The following AGAP1 variants were observed in gnomAD, a reference collection of about 807,000 sequenced individuals.
AGAP1 encodes the protein arf-GAP with GTPase, ANK repeat and PH domain-containing protein 1.
A neutral mutation model predicts 105.3 loss-of-function variants in AGAP1; 29 were observed. The ratio of observed to expected loss-of-function variants is 0.28; its 90% CI spans 0.21 to 0.38. The LOEUF (loss-of-function observed/expected upper bound fraction) is 0.38. AGAP1 is among the 10% of genes least tolerant of loss of function. The pLI, the probability that AGAP1 is intolerant of heterozygous loss-of-function variation, is 1.00. For missense variants in AGAP1, 998 were observed against 1,165.1 expected, an observed-to-expected ratio of 0.86 and a Z score of 2.09; for synonymous variants, 509 against 485.9, an observed-to-expected ratio of 1.05 and a Z score of -0.63.
chr2:235,807,405 T>C, intron 9 of AGAP1, 74 bp downstream of exon 9: 1 of 1,372,130 alleles, frequency 7.3e-7, no homozygotes, highest in Non-Finnish European at 9.9e-7. Context: ...TGATGCTGGC[T>C]CTCGCACCAA....
At chr2:235,568,324 G>T (rs868131130) in intron 1 of AGAP1, among the ~76,000 whole-genome samples, 1 of 152,370 alleles carries the variant, frequency 6.6e-6, no homozygotes, top group Middle Eastern at 3.4e-3. Context: ...TGGGCTGCCT[G>T]CTGTGGGCCA....
At chr2:235,606,422 G>T (rs1397166347) in intron 1 of AGAP1, among the ~76,000 whole-genome samples, 1 of 152,212 alleles carries the variant, frequency 6.6e-6, no homozygotes, top group Admixed American at 6.5e-5. Flanking sequence ...GCAGGAATGA[G>T]TTACTCGATT....
chr2:235,680,822 T>G (rs1274969017), intron 1 of AGAP1, among the ~76,000 whole-genome samples: 1 of 151,948 alleles, frequency 6.6e-6, no homozygotes, highest in Non-Finnish European at 1.5e-5. Flanking sequence ...CTCCCAGAGG[T>G]TCAGCTCAGA....
chr2:235,833,390 A>G (rs766575054), intron 9 of AGAP1, among the ~76,000 whole-genome samples: 10 of 152,194 alleles, frequency 6.6e-5, no homozygotes, highest in Non-Finnish European at 1.3e-4. Flanking sequence ...ACAAAAACGT[A>G]GAAGTCACCC....
rs183719678 is a variant in AGAP1, at chr2:235,770,166, C to T, written c.673+19678C>T. Among the ~76,000 whole-genome samples, 13 of 139,574 alleles carry T rather than the reference C, an allele frequency of 9.3e-5. No individual in the cohort carries two copies. In the East Asian group the frequency reaches 2.2e-3, roughly 23 times the overall value. The allele number at this position is 139,574 out of a possible 152,430, so 91.6% of individuals were successfully genotyped here. A position where few individuals can be genotyped will look rare whatever the true frequency, so the allele number is the denominator to read the frequency against. On this transcript the variant is annotated intron_variant, in intron 6 of 17. Coordinates refer to ENST00000304032, the MANE Select transcript of AGAP1 (RefSeq NM_001037131.3). ...TTTTTGAGACGGAGTCTCACTGTAT[C>T]GCCCAGGCTGGAATGCAGTGGTGGG... is the stretch of plus-strand genomic sequence containing the variant.
intron 11 of AGAP1, among the ~76,000 whole-genome samples, chr2:235,929,440 A>G (rs969338277): frequency 5.3e-5 from 8 of 152,182 alleles, no homozygotes; most frequent in Non-Finnish European, 1.2e-4. Context: ...CTGCCTATGA[A>G]TAATTTCCCT....
chr2:236,036,868 T>C lies in AGAP1; in HGVS notation c.1800+153T>C, dbSNP rs2057399119. On this transcript the variant is annotated intron_variant, in intron 14 of 17. Transcript: ENST00000304032. The surrounding 1 kb of genome is among the most constrained non-coding windows in gnomAD (Gnocchi z 5.7). Reference sequence around the variant, plus strand: ...GCAGAAAGCTCAATAACTAAAACGATCAGAAGCACTTTGTGTCTATACCAT... The same window carrying C: ...GCAGAAAGCTCAATAACTAAAACGACCAGAAGCACTTTGTGTCTATACCAT... Among the ~76,000 whole-genome samples the C allele has an allele frequency of 2.0e-5, 3 of 152,158 alleles. No homozygotes were observed. The South Asian group carries it at 6.2e-4, about 32-fold the overall frequency.
chr2:235,536,627 TCACACACACACACACA>T lies in AGAP1; in HGVS notation c.163+41814_163+41829del, dbSNP rs370173877. 9.2e-3 allele frequency among the ~76,000 whole-genome samples: 997 copies of T among 108,302 alleles called. 5 individuals are homozygous for T. Among genetic ancestry groups the T allele is most frequent in the South Asian group, 0.035 (103 of 2,934 alleles). 71.1% of individuals were successfully genotyped at this position (108,302 alleles called of 152,430 possible). ...CCCCTGGGTTTGTGTGTCGCATCCTTCACACACACACACACACACACACACACACACACACACACAC... is the reference window on the plus strand; with the variant it reads ...CCCCTGGGTTTGTGTGTCGCATCCTTCACACACACACACACACACACACAC... On this transcript the variant is annotated intron_variant, in intron 1 of 17. Transcript: ENST00000304032.
intron 1 of AGAP1, among the ~76,000 whole-genome samples, chr2:235,500,658 C>A (rs1941523440): frequency 6.6e-6 from 1 of 152,178 alleles, no homozygotes; most frequent in Non-Finnish European, 1.5e-5. Context: ...GGACGAGGGA[C>A]TTAAACCAGA....
chr2:235,573,628 G>A (rs894660964), intron 1 of AGAP1, among the ~76,000 whole-genome samples: 3 of 152,228 alleles, frequency 2.0e-5, no homozygotes, highest in East Asian at 1.9e-4. Flanking sequence ...TTAGAAGGAA[G>A]CGTATGGAAG....
intron 9 of AGAP1, among the ~76,000 whole-genome samples, chr2:235,816,887 G>GA (rs111757111): frequency 0.29 from 41,631 of 145,510 alleles, 6,017 homozygotes; most frequent in Admixed American, 0.42. Flanking sequence ...TCAAAAAGAA[G>GA]AAAAAAAAAA....
intron 16 of AGAP1, among the ~76,000 whole-genome samples, chr2:236,064,060 G>A (rs1215757735): frequency 6.6e-6 from 1 of 152,134 alleles, no homozygotes; most frequent in Non-Finnish European, 1.5e-5. Context: ...GCTGATCCTT[G>A]CCATCTTAAT....
At chr2:236,039,100 T>G (rs1169536899) in intron 14 of AGAP1, among the ~76,000 whole-genome samples, 1 of 152,158 alleles carries the variant, frequency 6.6e-6, no homozygotes, top group Non-Finnish European at 1.5e-5. Context: ...ATTGATCAAT[T>G]TTTGCTTTAA....
intron 1 of AGAP1, among the ~76,000 whole-genome samples, chr2:235,676,673 T>C (rs184089710): frequency 9.5e-4 from 145 of 152,340 alleles, no homozygotes; most frequent in African/African-American, 3.3e-3. Context: ...TGAGCTTTGG[T>C]GTTTTTGTTT....
intron 13 of AGAP1, among the ~76,000 whole-genome samples, chr2:236,013,606 T>G (rs1264163000): frequency 1.3e-5 from 2 of 152,090 alleles, no homozygotes; most frequent in Non-Finnish European, 2.9e-5. Context: ...AGATAAGTGC[T>G]GCTCACCTGC....
At chr2:236,100,697 G>A (rs1553571910) in intron 16 of AGAP1, among the ~76,000 whole-genome samples, 2 of 152,036 alleles carry the variant, frequency 1.3e-5, no homozygotes, top group African/African-American at 2.4e-5. Flanking sequence ...ACGTGGTGTG[G>A]TGCACACCCA....
chr2:235,794,665 T>C (rs999522362), intron 6 of AGAP1, among the ~76,000 whole-genome samples: 1 of 152,244 alleles, frequency 6.6e-6, no homozygotes, highest in Admixed American at 6.5e-5. Flanking sequence ...AGAGACGGGA[T>C]TTCACCATGT....
intron 6 of AGAP1, among the ~76,000 whole-genome samples, chr2:235,762,486 G>A (rs868459831): frequency 4.6e-5 from 7 of 152,154 alleles, no homozygotes; most frequent in Middle Eastern, 3.2e-3. Context: ...GCGTTGTGAC[G>A]AGGAGAGCGA....
chr2:235,529,396 A>T (rs1942967699), intron 1 of AGAP1, among the ~76,000 whole-genome samples: 1 of 152,172 alleles, frequency 6.6e-6, no homozygotes, highest in East Asian at 1.9e-4. Flanking sequence ...CATTGTAAGG[A>T]TTAAAGTGGC....
Sources: allele counts gnomAD v4.1 joint callset (sites outside exome capture counted in the v4.1 genomes callset), GRCh38; gene constraint gnomAD v4.1.1; non-coding constraint Gnocchi (gnomAD v3.1); transcripts MANE v1.5; gene names NCBI Gene and HGNC (gene_info 2026-07-23, HGNC 2026-07-21).